WWC1: variants seen among roughly 807,000 people sequenced by gnomAD.
WWC1 encodes WW and C2 domain containing 1, also known as protein KIBRA.
WWC1 carries 55 observed loss-of-function variants against 138.4 expected under a neutral mutation model. The ratio of observed to expected loss-of-function variants is 0.40; its 90% CI spans 0.32 to 0.50. The LOEUF is 0.50. Ranked by LOEUF, WWC1 falls within the 20% of genes least tolerant of loss-of-function variation. WWC1 has a pLI of 0.72. For synonymous variants in WWC1, 524 were observed against 564.9 expected, an observed-to-expected ratio of 0.93 and a Z score of 1.03; for missense variants, 1,226 against 1,420.4, an observed-to-expected ratio of 0.86 and a Z score of 2.20.
intron 8 of WWC1, chr5:168,412,278 G>A: frequency 1.2e-6 from 1 of 833,694 alleles, no homozygotes; most frequent in Non-Finnish European, 1.4e-6. Flanking sequence ...AAAGGACAGA[G>A]CAGCCTGCTC....
chr5:168,336,966 A>G (rs1284355103), intron 1 of WWC1, among the ~76,000 whole-genome samples: 1 of 152,184 alleles, frequency 6.6e-6, no homozygotes, highest in Non-Finnish European at 1.5e-5. Flanking sequence ...ATGTGAGCTG[A>G]TATTACGAAT....
intron 1 of WWC1, among the ~76,000 whole-genome samples, chr5:168,339,014 G>A (rs1426943282): frequency 1.3e-5 from 2 of 151,996 alleles, no homozygotes; most frequent in African/African-American, 4.8e-5. Context: ...TGAGATAATG[G>A]GTATGCTAAT....
intron 21 of WWC1, 81 bp downstream of exon 21, chr5:168,465,043 A>G (rs1383217779): frequency 1.3e-6 from 2 of 1,521,968 alleles, no homozygotes; most frequent in Non-Finnish European, 8.8e-7. Context: ...AAGAGAGGCC[A>G]GAGCTCATGA....
At chr5:168,399,356 C>T (rs1467591784) in intron 4 of WWC1, 132 bp from the exon 5 acceptor site, 28 of 834,376 alleles carry the variant, frequency 3.4e-5, no homozygotes, top group Non-Finnish European at 4.6e-5. Context: ...ACCAGTGTGG[C>T]GCAAGGGGTG....
chr5:168,378,618 A>T (rs1222704839), intron 2 of WWC1, among the ~76,000 whole-genome samples: 1 of 152,206 alleles, frequency 6.6e-6, no homozygotes, highest in Non-Finnish European at 1.5e-5. Context: ...AAAGTTATAA[A>T]TACCTTGGGA....
At chr5:168,297,518 C>T (rs909332844) in intron 1 of WWC1, among the ~76,000 whole-genome samples, 4 of 150,462 alleles carry the variant, frequency 2.7e-5, no homozygotes, top group Middle Eastern at 3.5e-3. Flanking sequence ...CCCGGCTACT[C>T]GGGAGGCTGA....
intron 2 of WWC1, among the ~76,000 whole-genome samples, chr5:168,374,744 A>T (rs1187035741): frequency 6.6e-6 from 1 of 152,144 alleles, no homozygotes; most frequent in African/African-American, 2.4e-5. Context: ...TGCTGAGAAT[A>T]CACCTTATTA....
At chr5:168,442,278 T>C (rs17070211) in intron 16 of WWC1, among the ~76,000 whole-genome samples, 3,298 of 152,040 alleles carry the variant, frequency 0.022, 60 homozygotes, top group East Asian at 0.051. Context: ...CTCTGAGCTT[T>C]CAATTTTTAA....
intron 3 of WWC1, among the ~76,000 whole-genome samples, chr5:168,394,605 A>C (rs905663478): frequency 6.6e-6 from 1 of 152,210 alleles, no homozygotes; most frequent in South Asian, 2.1e-4. Flanking sequence ...AGGTGCCTGT[A>C]ATCCCAGCTA....
At chr5:168,446,439 G>A (rs1474521887) in intron 17 of WWC1, among the ~76,000 whole-genome samples, 2 of 152,120 alleles carry the variant, frequency 1.3e-5, no homozygotes, top group Non-Finnish European at 2.9e-5. Context: ...AAGAAACAAT[G>A]ACATAGACGA....
intron 17 of WWC1, among the ~76,000 whole-genome samples, chr5:168,453,546 A>G (rs1561788449): frequency 6.6e-6 from 1 of 151,002 alleles, no homozygotes; most frequent in African/African-American, 2.4e-5. Context: ...CTCATTAACA[A>G]TCTTTTTTTT....
intron 17 of WWC1, among the ~76,000 whole-genome samples, chr5:168,451,826 G>A (rs994446935): frequency 4.6e-5 from 7 of 151,674 alleles, no homozygotes; most frequent in African/African-American, 1.7e-4. Context: ...GTGTAGTGAG[G>A]AACTAGAACT....
chr5:168,367,408 T>C (rs1436931383), intron 1 of WWC1, among the ~76,000 whole-genome samples: 2 of 151,882 alleles, frequency 1.3e-5, no homozygotes, highest in Admixed American at 6.6e-5. Context: ...CTCGGCTCAC[T>C]GCAAGCTCCG....
At chr5:168,351,502 C>T (rs977445134) in intron 1 of WWC1, among the ~76,000 whole-genome samples, 7 of 151,982 alleles carry the variant, frequency 4.6e-5, no homozygotes, top group Non-Finnish European at 1.5e-5. Context: ...CTCTAGGAGG[C>T]GAGAGAAGAG....
chr5:168,419,114 G>A (rs1198497352), intron 9 of WWC1, among the ~76,000 whole-genome samples: 1 of 152,180 alleles, frequency 6.6e-6, no homozygotes, highest in African/African-American at 2.4e-5. Context: ...CGTGTGCTGG[G>A]GGCTTGGATG....
chr5:168,452,803 C>T (rs1358129194), intron 17 of WWC1, among the ~76,000 whole-genome samples: 1 of 152,154 alleles, frequency 6.6e-6, no homozygotes, highest in African/African-American at 2.4e-5. Flanking sequence ...CCTCATCTTC[C>T]TCCTCCTTTT....
intron 6 of WWC1, among the ~76,000 whole-genome samples, chr5:168,407,957 G>A (rs1779927641): frequency 6.6e-6 from 1 of 151,610 alleles, no homozygotes; most frequent in African/African-American, 2.4e-5. Flanking sequence ...CAAACTCCTG[G>A]GCTCAAGCAA....
intron 1 of WWC1, among the ~76,000 whole-genome samples, chr5:168,313,243 C>T (rs1487415670): frequency 1.3e-5 from 2 of 152,122 alleles, no homozygotes; most frequent in African/African-American, 4.8e-5. Context: ...CCTCTTGCTA[C>T]TTGAAGTGTG....
chr5:168,389,752 A>C (rs529960352), intron 3 of WWC1, among the ~76,000 whole-genome samples: 14 of 152,174 alleles, frequency 9.2e-5, no homozygotes, highest in Non-Finnish European at 1.9e-4. Context: ...ACCATGTCAG[A>C]GTTTCTTAAC....
Sources: allele counts gnomAD v4.1 joint callset (sites outside exome capture counted in the v4.1 genomes callset), GRCh38; gene constraint gnomAD v4.1.1; transcripts MANE v1.5; gene names NCBI Gene and HGNC (gene_info 2026-07-23, HGNC 2026-07-21).